Variants in ZNF614 observed in about 807,000 individuals in gnomAD.
ZNF614 encodes zinc finger protein 614.
Under a neutral mutation model 12.8 loss-of-function variants are expected in ZNF614, and 11 were observed. The ratio of observed to expected loss-of-function variants is 0.86; its 90% CI spans 0.54 to 1.43. The LOEUF is 1.43. Among genes scored for constraint, ZNF614 ranks in the 40% most tolerant of loss-of-function variants. ZNF614 has a pLI of 0.00. For missense variants in ZNF614, 664 were observed against 708.8 expected (o/e 0.94, Z 0.72); for synonymous variants, 237 against 237.5 (o/e 1.00, Z 0.02).
Position 52,018,447 on chromosome 19 carries a change from C to T in ZNF614, c.63G>A (p.Glu21=). The T allele has an allele frequency of 6.2e-7, 1 of 1,614,172 alleles. No individual in the cohort carries two copies. The highest frequency in any genetic ancestry group is 8.5e-7 in the Non-Finnish European group (1 of 1,180,018). The change falls in exon 3 of 5, where the codon GAG becomes GAA. Residue 21 remains glutamate (E), a synonymous_variant. Coordinates refer to ENST00000270649, the MANE Select transcript of ZNF614 (RefSeq NM_025040.4). The part of the protein sequence containing the change: ...EDVAVEFSWE[E]WQLLDTAQKN... ...TCTGAGCAGTGTCCAGGAGCTGCCA[C>T]TCCTCCCAGCTGAATTCCACAGCCA...
Position 52,017,320 on chromosome 19 carries a change from G to A in ZNF614, c.278C>T (p.Pro93Leu). Reference sequence around the variant, plus strand: ...CACGCTCTTCAGAAGTCTTTGGTTTGGAGAGTGCTCTTGCAGATGACTGTC... The same window carrying A: ...CACGCTCTTCAGAAGTCTTTGGTTTAGAGAGTGCTCTTGCAGATGACTGTC... The part of the protein sequence containing the change: ...KVDSHLQEHS[P>L]NQRLLKSVQQ... Residue 93 changes from proline to leucine, a missense_variant, in exon 5 of 5, where the codon CCA (proline) becomes CTA (leucine). Pro to Leu is a moderately conservative substitution (Grantham distance 98, BLOSUM62 -3). Coordinates refer to ENST00000270649, the MANE Select transcript of ZNF614 (RefSeq NM_025040.4). 1 of 1,609,566 alleles carries A rather than the reference G, an allele frequency of 6.2e-7. No individual in the cohort carries two copies. Among genetic ancestry groups the A allele is most frequent in the Non-Finnish European group, 8.5e-7 (1 of 1,177,984 alleles).
In ZNF614 at chr19:52,015,490, TTCTTAG is replaced by T. The variant is rs1355794184; in HGVS notation, c.*344_*349del. 2 of 170,722 alleles carry T rather than the reference TTCTTAG, an allele frequency of 1.2e-5. No homozygotes were observed. The highest frequency in any genetic ancestry group is 4.8e-5 in the African/African-American group (2 of 42,038). The allele number at this position is 170,722 out of a possible 1,614,324, so 10.6% of individuals were successfully genotyped here. On this transcript the variant is annotated 3_prime_UTR_variant, in exon 5 of 5. Transcript: ENST00000270649. ...AAGTCTATCTTTCCACAGAAGACTT[TTCTTAG>T]TCTTTGTATTCACAGAATTTATCTC... is the stretch of plus-strand genomic sequence containing the variant.
chr19:52,019,123 G>C (rs1314281485), intron 2 of ZNF614, among the ~76,000 whole-genome samples: 1 of 151,988 alleles, frequency 6.6e-6, no homozygotes, highest in Non-Finnish European at 1.5e-5. Flanking sequence ...AAAGTGCTGG[G>C]ATTACAGGTG....
chr19:52,020,938 A>G (rs1422660083), intron 2 of ZNF614, among the ~76,000 whole-genome samples: 1 of 152,246 alleles, frequency 6.6e-6, no homozygotes, highest in Admixed American at 6.5e-5. Flanking sequence ...GTGCAGTACC[A>G]TCCTCCTGAG....
rs151142728 is a variant in ZNF614 at position 52,015,526 on chromosome 19, T to C, written c.*314A>G. ...TGTATTCACAGAATTTATCTCTGTA[T>C]ACTTTTCAGACATATGAGCAGAAAT... is the stretch of plus-strand genomic sequence containing the variant. On this transcript the variant is annotated 3_prime_UTR_variant, in exon 5 of 5. Coordinates refer to ENST00000270649, the MANE Select transcript of ZNF614 (RefSeq NM_025040.4). 198 of 211,166 alleles carry C rather than the reference T, an allele frequency of 9.4e-4. No homozygotes were observed. Among genetic ancestry groups the C allele is most frequent in the Middle Eastern group, 5.6e-3 (3 of 540 alleles). The allele number at this position is 211,166 out of a possible 1,614,324, so 13.1% of individuals were successfully genotyped here.
At position 52,015,762 on chromosome 19, in the gene ZNF614, G is replaced by C. The variant is rs1217707958; in HGVS notation, c.*78C>G. The C allele has an allele frequency of 1.4e-5, 19 of 1,326,084 alleles. No homozygotes were observed. Among genetic ancestry groups the C allele is most frequent in the Non-Finnish European group, 2.0e-5 (19 of 959,878 alleles). The allele number at this position is 1,326,084 out of a possible 1,614,324, so 82.1% of individuals were successfully genotyped here. A position where few individuals can be genotyped will look rare whatever the true frequency, so the allele number is the denominator to read the frequency against. On this transcript the variant is annotated 3_prime_UTR_variant, in exon 5 of 5. Transcript: ENST00000270649. ...TGTTCCAATTGGCTAGAAACACACT[G>C]ATGTTTAATGAAGTCTGAGTTGCCA...
Position 52,015,522 on chromosome 19 carries a change from T to C in ZNF614, c.*318A>G. 1 of 205,110 alleles carries C rather than the reference T, an allele frequency of 4.9e-6. No individual in the cohort carries two copies. 12.7% of individuals were successfully genotyped at this position (205,110 alleles called of 1,614,324 possible). A position where few individuals can be genotyped will look rare whatever the true frequency, so the allele number is the denominator to read the frequency against. ...TCTTTGTATTCACAGAATTTATCTCTGTATACTTTTCAGACATATGAGCAG... is the reference window on the plus strand; with the variant it reads ...TCTTTGTATTCACAGAATTTATCTCCGTATACTTTTCAGACATATGAGCAG... On this transcript the variant is annotated 3_prime_UTR_variant, in exon 5 of 5. Coordinates refer to ENST00000270649, the MANE Select transcript of ZNF614 (RefSeq NM_025040.4).
rs2086889614 is a variant in ZNF614 at position 52,015,333 on chromosome 19, A to C, written c.*507T>G. The C allele has an allele frequency of 6.5e-6, 1 of 152,846 alleles. No individual in the cohort carries two copies. The highest frequency in any genetic ancestry group is 2.4e-5 in the African/African-American group (1 of 41,446). 9.5% of individuals were successfully genotyped at this position (152,846 alleles called of 1,614,324 possible). ...ATCCTGCCATCAATACTGTCACCTTAAAGTTATTTTCCAGTGTAAACTTTG... is the reference window on the plus strand; with the variant it reads ...ATCCTGCCATCAATACTGTCACCTTCAAGTTATTTTCCAGTGTAAACTTTG... On this transcript the variant is annotated 3_prime_UTR_variant, in exon 5 of 5. Transcript: ENST00000270649.
Position 52,015,138 on chromosome 19 carries a change from CTTA to C in ZNF614, c.*699_*701del, listed in dbSNP as rs1156875442. On this transcript the variant is annotated 3_prime_UTR_variant, in exon 5 of 5. Transcript: ENST00000270649. ...GTATTAGCTGATGTTTAAGGTTATA[CTTA>C]TTAAGAAAAAGCACTCAAATATTCA... is the stretch of plus-strand genomic sequence containing the variant. 2 of 151,782 alleles carry C rather than the reference CTTA, an allele frequency of 1.3e-5. No homozygotes were observed. Among genetic ancestry groups the C allele is most frequent in the Non-Finnish European group, 2.9e-5 (2 of 67,958 alleles). The allele number at this position is 151,782 out of a possible 1,614,324, so 9.4% of individuals were successfully genotyped here. A position where few individuals can be genotyped will look rare whatever the true frequency, so the allele number is the denominator to read the frequency against.
chr19:52,017,934 C>G (rs1035149348), intron 4 of ZNF614, 74 bp downstream of exon 4: 1 of 1,154,364 alleles, frequency 8.7e-7, no homozygotes, highest in Non-Finnish European at 1.3e-6. Context: ...TCAGATACTT[C>G]ATATATGTGA....
chr19:52,025,212 T>C lies in ZNF614; in HGVS notation c.15+519A>G, dbSNP rs79219240. On this transcript the variant is annotated intron_variant, in intron 2 of 4. Transcript: ENST00000270649. ...CAAAAATGGTCTGGAGTATGTACATTAAAATGACAACCATAGTTCCTTCTT... is the reference window on the plus strand; with the variant it reads ...CAAAAATGGTCTGGAGTATGTACATCAAAATGACAACCATAGTTCCTTCTT... Among the ~76,000 whole-genome samples the C allele has an allele frequency of 8.8e-3, 1,339 of 152,296 alleles. 22 individuals carry two copies. The highest frequency in any genetic ancestry group is 0.031 in the African/African-American group (1,285 of 41,552).
Position 52,016,839 on chromosome 19 carries a change from ATTAG to A in ZNF614, c.755_758del (p.Thr252IlefsTer18). 1.2e-6 allele frequency: 2 copies of A among 1,614,102 alleles called. No individual in the cohort carries two copies. The highest frequency in any genetic ancestry group is 1.7e-6 in the Non-Finnish European group (2 of 1,180,026). On this transcript the variant is annotated frameshift_variant, in exon 5 of 5. Coordinates refer to ENST00000270649, the MANE Select transcript of ZNF614 (RefSeq NM_025040.4). LOFTEE classifies it low-confidence loss of function (END_TRUNC). ...TGGGTATACAGATTTTGTCTGTTGT[ATTAG>A]TTTTCAGATGCTTAGTGAACAGGAC...
Position 52,025,962 on chromosome 19 carries a change from C to T in ZNF614, c.-216-1G>A. ...GCTTCTGGGAGCCAGGACCTGAGGACTGATAAACAAAATGGCTTTCAGTGT... is the reference window on the plus strand; with the variant it reads ...GCTTCTGGGAGCCAGGACCTGAGGATTGATAAACAAAATGGCTTTCAGTGT... On this transcript the variant is annotated splice_acceptor_variant, in intron 1 of 4. Coordinates refer to ENST00000270649, the MANE Select transcript of ZNF614 (RefSeq NM_025040.4). LOFTEE classifies it low-confidence loss of function (5UTR_SPLICE). 2 of 545,356 alleles carry T rather than the reference C, an allele frequency of 3.7e-6. No homozygotes were observed. The highest frequency in any genetic ancestry group is 6.5e-6 in the Non-Finnish European group (2 of 305,704). The allele number at this position is 545,356 out of a possible 1,614,324, so 33.8% of individuals were successfully genotyped here.
At chr19:52,022,656 G>A (rs2086939681) in intron 2 of ZNF614, among the ~76,000 whole-genome samples, 1 of 150,678 alleles carries the variant, frequency 6.6e-6, no homozygotes, top group Non-Finnish European at 1.5e-5. Flanking sequence ...TGGGCTACCA[G>A]TATTTCTGAC....
rs753164824 is a variant in ZNF614 at position 52,017,079 on chromosome 19, C to T, written c.519G>A (p.Thr173=). The T allele has an allele frequency of 3.1e-5, 50 of 1,614,016 alleles. No individual in the cohort carries two copies. Among genetic ancestry groups the T allele is most frequent in the Non-Finnish European group, 3.4e-5 (40 of 1,180,036 alleles). ...KTLLHGKHER[T]HTKTRFSENA... Reference sequence around the variant, plus strand: ...TTTCAGAAAATCTAGTTTTAGTATGCGTACGTTCATGCTTACCATGTAGAA... The same window carrying T: ...TTTCAGAAAATCTAGTTTTAGTATGTGTACGTTCATGCTTACCATGTAGAA... Residue 173 remains threonine, a synonymous_variant, in exon 5 of 5, where the codon ACG becomes ACA. Coordinates refer to ENST00000270649, the MANE Select transcript of ZNF614 (RefSeq NM_025040.4).
Position 52,017,287 on chromosome 19 carries a change from C to T in ZNF614, c.311G>A (p.Cys104Tyr). 2 of 1,613,844 alleles carry T rather than the reference C, an allele frequency of 1.2e-6. No homozygotes were observed. Among genetic ancestry groups the T allele is most frequent in the African/African-American group, 1.3e-5 (1 of 75,066 alleles). Residue 104 changes from cysteine to tyrosine, a missense_variant, in exon 5 of 5, where the codon TGC becomes TAC. By Grantham distance (194) the Cys-to-Tyr change is radical (BLOSUM62 -2). Transcript: ENST00000270649. ...ATTTCTAAGTGTATTCTGTCCATTG[C>T]ATTGCTGCACGCTCTTCAGAAGTCT... The part of the protein sequence containing the change: ...NQRLLKSVQQ[C>Y]NGQNTLRNIV...
chr19:52,019,345 A>G (rs1275491137), intron 2 of ZNF614, among the ~76,000 whole-genome samples: 2 of 152,246 alleles, frequency 1.3e-5, no homozygotes, highest in African/African-American at 2.4e-5. Context: ...TGCAAGACCT[A>G]GTGTATGCCC....
chr19:52,017,083 C>T lies in ZNF614; in HGVS notation c.515G>A (p.Arg172His), dbSNP rs778179613. 3.7e-6 allele frequency: 6 copies of T among 1,614,162 alleles called. No homozygotes were observed. The highest frequency in any genetic ancestry group is 3.4e-6 in the Non-Finnish European group (4 of 1,180,028). The change falls in exon 5 of 5, where the codon CGT becomes CAT. Residue 172 changes from arginine (R) to histidine (H), a missense_variant. Arg to His is a conservative substitution (Grantham distance 29). Transcript: ENST00000270649. ...EKTLLHGKHE[R>H]THTKTRFSEN... is the part of the protein sequence containing the mutation. ...AGAAAATCTAGTTTTAGTATGCGTA[C>T]GTTCATGCTTACCATGTAGAAGTGT...
chr19:52,019,091 G>C (rs1008178893), intron 2 of ZNF614, among the ~76,000 whole-genome samples: 8 of 152,110 alleles, frequency 5.3e-5, no homozygotes, highest in Non-Finnish European at 1.0e-4. Flanking sequence ...GGCCTCAAGA[G>C]ATCCTCCTGC....
Sources: allele counts gnomAD v4.1 joint callset (sites outside exome capture counted in the v4.1 genomes callset), GRCh38; gene constraint gnomAD v4.1.1; transcripts MANE v1.5; gene names NCBI Gene and HGNC (gene_info 2026-07-23, HGNC 2026-07-21).